PNKD: variants seen among roughly 807,000 people sequenced by gnomAD.
PNKD encodes PNKD metallo-beta-lactamase domain containing, also known as probable thioesterase PNKD.
Under a neutral mutation model 45.3 loss-of-function variants are expected in PNKD, and 36 were observed. The ratio of observed to expected loss-of-function variants is 0.80; its 90% confidence interval spans 0.61 to 1.05. PNKD has a LOEUF of 1.05. PNKD is among the 50% of genes least tolerant of loss of function. The pLI, the probability that PNKD is intolerant of heterozygous loss-of-function variation, is 0.00. For synonymous variants in PNKD, 197 were observed against 210.1 expected (o/e 0.94, Z 0.54); for missense variants, 511 against 506.6 (o/e 1.01, Z -0.08).
intron 2 of PNKD, chr2:218,334,694 A>G (rs1439900399): frequency 1.4e-6 from 1 of 702,558 alleles, no homozygotes; most frequent in Non-Finnish European, 2.6e-6. Context: ...ATACCACAGA[A>G]GTGATCTTAT....
At chr2:218,334,857 AT>A (rs1694442297) in intron 2 of PNKD, 1 of 671,156 alleles carries the variant, frequency 1.5e-6, no homozygotes, top group East Asian at 2.7e-5. Context: ...CTTTGAGATT[AT>A]GCAAATATCC....
intron 2 of PNKD, among the ~76,000 whole-genome samples, chr2:218,311,614 G>A (rs913467792): frequency 5.3e-5 from 8 of 152,188 alleles, no homozygotes; most frequent in Admixed American, 5.2e-4. Flanking sequence ...GAGCGACAGA[G>A]CAGTATTGCT....
At position 218,297,641 on chromosome 2, in the gene PNKD, T is replaced by C. The variant is rs1458356585; in HGVS notation, c.236+26092T>C. On this transcript the variant is annotated intron_variant, in intron 2 of 9. Transcript: ENST00000273077. ...CAGAGGTTGCAGTGAGCCGAGATCA[T>C]GCCACTGCTCTCCAGCCTGGGCAAC... Among the ~76,000 whole-genome samples, 117 of 116,962 alleles carry C rather than the reference T, an allele frequency of 1.0e-3. No individual in the cohort carries two copies. The Middle Eastern group carries it at 0.023, about 23-fold the overall frequency. 76.7% of individuals were successfully genotyped at this position (116,962 alleles called of 152,430 possible).
At chr2:218,295,908 C>G (rs559416487) in intron 2 of PNKD, among the ~76,000 whole-genome samples, 17 of 149,068 alleles carry the variant, frequency 1.1e-4, no homozygotes, top group African/African-American at 4.0e-4. Context: ...TACAGTAGTG[C>G]GATCTTGGCT....
At chr2:218,284,948 G>A (rs1050917698) in intron 2 of PNKD, among the ~76,000 whole-genome samples, 2 of 152,110 alleles carry the variant, frequency 1.3e-5, no homozygotes, top group African/African-American at 4.8e-5. Context: ...AAATTAGCTG[G>A]GCATGGCAGC....
chr2:218,279,079 G>A (rs199841686), intron 2 of PNKD: 23 of 1,614,010 alleles, frequency 1.4e-5, no homozygotes, highest in Middle Eastern at 1.6e-4. Flanking sequence ...TCACAAAGGC[G>A]CTGACAGGTT....
chr2:218,340,508 T>A lies in PNKD; in HGVS notation c.466-220T>A, dbSNP rs989876405. 6.6e-6 allele frequency among the ~76,000 whole-genome samples: 1 copy of A among 151,932 alleles called. No homozygotes were observed. The highest frequency in any genetic ancestry group is 1.5e-5 in the Non-Finnish European group (1 of 67,978). ...CTGTCTTTCCCTCCCATTCCTTATC[T>A]CTCTGTGTCTGCCTCTCTCTATGTA... On this transcript the variant is annotated intron_variant, in intron 4 of 9. Transcript: ENST00000273077. This position sits in a 1 kb window ranked among gnomAD's most constrained non-coding sequence, Gnocchi z 4.2.
intron 2 of PNKD, among the ~76,000 whole-genome samples, chr2:218,293,949 A>G (rs1693071245): frequency 1.4e-5 from 2 of 138,142 alleles, no homozygotes; most frequent in Non-Finnish European, 3.2e-5. Flanking sequence ...AAAAAAAAAA[A>G]GACAGATTTT....
At chr2:218,324,355 G>T (rs187670863) in intron 2 of PNKD, among the ~76,000 whole-genome samples, 1 of 152,280 alleles carries the variant, frequency 6.6e-6, no homozygotes, top group African/African-American at 2.4e-5. Context: ...CTAAGCCTGG[G>T]AATTTCCCGA....
rs546660301 is a variant in PNKD at position 218,271,579 on chromosome 2, A to G, written c.236+30A>G. The G allele has an allele frequency of 8.1e-6, 13 of 1,598,764 alleles. No homozygotes were observed. In the East Asian group the frequency reaches 1.3e-4, roughly 17 times the overall value. On this transcript the variant is annotated intron_variant, in intron 2 of 9. Transcript: ENST00000273077. ...GTTTTAACCACCCCTTTGCCCACCA[A>G]CGGGGCGTGGCTTGTAGGGGAGGGC...
chr2:218,344,321 G>C, intron 8 of PNKD, 134 bp from the exon 9 acceptor site: 1 of 706,868 alleles, frequency 1.4e-6, no homozygotes, highest in Middle Eastern at 2.3e-4. Flanking sequence ...TGGCAGTTGG[G>C]GTTTTCCTGG....
At chr2:218,315,038 T>TTCTTTCTTTCTCTC (rs57561214) in intron 2 of PNKD, among the ~76,000 whole-genome samples, 1 of 49,468 alleles carries the variant, frequency 2.0e-5, no homozygotes, top group Non-Finnish European at 5.7e-5. Flanking sequence ...CTTTCTTTCT[T>TTCTTTCTTTCTCTC]TTTCTTTCTT....
At position 218,346,706 on chromosome 2, in the gene PNKD, T is replaced by C. The variant is rs149172912; in HGVS notation, c.*1725T>C. The stretch of plus-strand genomic sequence containing the variant: ...CCTTAAGGGCATGGACTGTATCTTA[T>C]GCATCTCTGTATTTCTGCGCCTAGC... On this transcript the variant is annotated 3_prime_UTR_variant, in exon 10 of 10. Coordinates refer to ENST00000273077, the MANE Select transcript of PNKD (RefSeq NM_015488.5). 20 of 154,120 alleles carry C rather than the reference T, an allele frequency of 1.3e-4. No individual in the cohort carries two copies. The East Asian group carries it at 3.8e-3, about 29-fold the overall frequency. The allele number at this position is 154,120 out of a possible 1,614,324, so 9.5% of individuals were successfully genotyped here.
intron 2 of PNKD, among the ~76,000 whole-genome samples, chr2:218,334,054 G>T (rs1236721209): frequency 6.6e-6 from 1 of 151,182 alleles, no homozygotes; most frequent in Non-Finnish European, 1.5e-5. Flanking sequence ...GATGGAGGTT[G>T]CAGTGAGCCG....
chr2:218,325,565 G>T (rs890508354), intron 2 of PNKD, among the ~76,000 whole-genome samples: 1 of 152,094 alleles, frequency 6.6e-6, no homozygotes, highest in African/African-American at 2.4e-5. Context: ...GAATTTTACA[G>T]CCTTATCTGG....
At chr2:218,279,331 T>C in intron 2 of PNKD, 1 of 1,587,034 alleles carries the variant, frequency 6.3e-7, no homozygotes, top group Non-Finnish European at 8.6e-7. Context: ...GATGAGCAGC[T>C]GCACGGAGAT....
intron 2 of PNKD, chr2:218,278,898 C>T: frequency 2.1e-6 from 2 of 954,950 alleles, no homozygotes; most frequent in Non-Finnish European, 3.2e-6. Flanking sequence ...ACACCCACAC[C>T]CTCTGGCACG....
intron 2 of PNKD, among the ~76,000 whole-genome samples, chr2:218,313,616 C>T (rs1693679174): frequency 6.6e-6 from 1 of 152,184 alleles, no homozygotes. Flanking sequence ...TTCATCATTA[C>T]CAGTAACCCT....
chr2:218,306,612 C>T (rs1208447588), intron 2 of PNKD, among the ~76,000 whole-genome samples: 1 of 152,108 alleles, frequency 6.6e-6, no homozygotes, highest in Non-Finnish European at 1.5e-5. Context: ...GTGCAGAGTT[C>T]CTAGTGGAGC....
Sources: allele counts gnomAD v4.1 joint callset (sites outside exome capture counted in the v4.1 genomes callset), GRCh38; gene constraint gnomAD v4.1.1; non-coding constraint Gnocchi (gnomAD v3.1); transcripts MANE v1.5; gene names NCBI Gene and HGNC (gene_info 2026-07-23, HGNC 2026-07-21).